Variants in DGLUCY observed in about 807,000 individuals in gnomAD.
The protein encoded by DGLUCY is D-glutamate cyclase.
In DGLUCY, 58 loss-of-function variants were observed where a neutral mutation model predicts 58.5. The ratio of observed to expected loss-of-function variants is 0.99; its 90% CI spans 0.80 to 1.23. DGLUCY has a LOEUF of 1.23. Among genes scored for constraint, DGLUCY ranks in the 50% most tolerant of loss-of-function variants. The probability of loss-of-function intolerance (pLI) is 0.00; values close to 1 mark genes in which losing one functional copy is unlikely to be tolerated. For missense variants in DGLUCY, 779 were observed against 784.7 expected (o/e 0.99, Z 0.09); for synonymous variants, 325 against 314.1 (o/e 1.03, Z -0.37).
At chr14:91,165,681 G>A (rs1486085645) in intron 3 of DGLUCY, among the ~76,000 whole-genome samples, 2 of 152,180 alleles carry the variant, frequency 1.3e-5, no homozygotes, top group African/African-American at 4.8e-5. Context: ...ACAAGGTGAT[G>A]GATACCACTA....
intron 11 of DGLUCY, among the ~76,000 whole-genome samples, chr14:91,202,058 A>AAATAATAATAATAATAATAATAATAAT (rs10523866): frequency 0.01 from 1,449 of 142,568 alleles, 22 homozygotes; most frequent in East Asian, 0.026. Flanking sequence ...TCTGTCTCAA[A>AAATAATAATAATAATAATAATAATAAT]AATAATAATA....
chr14:91,118,347 G>C (rs1278193714), intron 1 of DGLUCY, among the ~76,000 whole-genome samples: 1 of 151,852 alleles, frequency 6.6e-6, no homozygotes, highest in East Asian at 1.9e-4. Context: ...CACCTGCCTC[G>C]GCCTCCTGAA....
intron 1 of DGLUCY, among the ~76,000 whole-genome samples, chr14:91,092,870 G>A (rs1201864111): frequency 6.6e-6 from 1 of 152,162 alleles, no homozygotes; most frequent in African/African-American, 2.4e-5. Flanking sequence ...GATCACCTGA[G>A]GTCAGGAGTT....
intron 1 of DGLUCY, among the ~76,000 whole-genome samples, chr14:91,070,227 G>A (rs1174341801): frequency 6.6e-6 from 1 of 152,146 alleles, no homozygotes; most frequent in African/African-American, 2.4e-5. Context: ...TGCCCTCCAA[G>A]CCAAAAGAGT....
upstream of DGLUCY, among the ~76,000 whole-genome samples, chr14:91,105,977 T>G (rs2044580939): frequency 6.6e-6 from 1 of 152,104 alleles, no homozygotes; most frequent in Non-Finnish European, 1.5e-5. Flanking sequence ...CCTAAACATA[T>G]CTAAACCTAG....
At chr14:91,076,517 A>G (rs770269034) in intron 1 of DGLUCY, among the ~76,000 whole-genome samples, 6 of 152,082 alleles carry the variant, frequency 3.9e-5, no homozygotes, top group Non-Finnish European at 4.4e-5. Flanking sequence ...TGTAGAAGCC[A>G]TAGATAGGAA....
intron 7 of DGLUCY, among the ~76,000 whole-genome samples, chr14:91,180,411 A>G (rs1595855766): frequency 1.3e-5 from 2 of 151,730 alleles, no homozygotes; most frequent in East Asian, 3.9e-4. Context: ...GTCTCTACTA[A>G]AAATACTAAA....
At chr14:91,180,847 T>G (rs2049132065) in intron 7 of DGLUCY, among the ~76,000 whole-genome samples, 1 of 152,240 alleles carries the variant, frequency 6.6e-6, no homozygotes, top group South Asian at 2.1e-4. Context: ...CAAGATGGCT[T>G]CATGAGTTTT....
intron 4 of DGLUCY, among the ~76,000 whole-genome samples, chr14:91,168,178 A>G (rs1230422713): frequency 6.6e-6 from 1 of 151,842 alleles, no homozygotes; most frequent in Non-Finnish European, 1.5e-5. Context: ...GCTGAGGAGG[A>G]TTGCTTGAGA....
chr14:91,199,508 C>T (rs1169367628), intron 10 of DGLUCY, among the ~76,000 whole-genome samples: 1 of 152,068 alleles, frequency 6.6e-6, no homozygotes, highest in Non-Finnish European at 1.5e-5. Flanking sequence ...CTGCTTCGGC[C>T]TCCCAAACTG....
chr14:91,099,296 G>A (rs910390737), intron 1 of DGLUCY, among the ~76,000 whole-genome samples: 9 of 152,150 alleles, frequency 5.9e-5, no homozygotes, highest in African/African-American at 2.2e-4. Flanking sequence ...ACTTTGGGAG[G>A]CCGAGGCAGG....
At chr14:91,128,180 A>G (rs996357468) in intron 1 of DGLUCY, among the ~76,000 whole-genome samples, 5 of 152,048 alleles carry the variant, frequency 3.3e-5, no homozygotes, top group African/African-American at 1.2e-4. Context: ...AATTGATGTT[A>G]AGAAAGATCC....
At chr14:91,140,393 C>T (rs1051894262) in intron 1 of DGLUCY, among the ~76,000 whole-genome samples, 16 of 152,208 alleles carry the variant, frequency 1.1e-4, no homozygotes, top group South Asian at 2.1e-4. Flanking sequence ...ATTTATGGGT[C>T]GGGTGCGGTG....
chr14:91,206,984 A>G (rs1884808702), intron 12 of DGLUCY, among the ~76,000 whole-genome samples: 1 of 151,920 alleles, frequency 6.6e-6, no homozygotes, highest in Non-Finnish European at 1.5e-5. Context: ...ATGGCAAGAT[A>G]CCATCTCTGT....
chr14:91,116,612 G>A (rs142485340), intron 1 of DGLUCY, among the ~76,000 whole-genome samples: 1 of 152,162 alleles, frequency 6.6e-6, no homozygotes, highest in Non-Finnish European at 1.5e-5. Flanking sequence ...CTGGGGGCAA[G>A]TTCATAGCAA....
chr14:91,105,377 G>C (rs1345816823), upstream of DGLUCY, among the ~76,000 whole-genome samples: 1 of 152,100 alleles, frequency 6.6e-6, no homozygotes, highest in Non-Finnish European at 1.5e-5. Flanking sequence ...TCAAGAACAG[G>C]TGCTGAGGAC....
At position 91,160,321 on chromosome 14, in the gene DGLUCY, C is replaced by A. The variant is rs2047904792; in HGVS notation, c.27C>A (p.Ser9=). The stretch of plus-strand genomic sequence containing the variant: ...TGCCCTTCACACTCCACCTGAGGTC[C>A]CGCCTTCCCTCTGCCATAAGGAGTT... MPFTLHLR[S]RLPSAIRSLI... The change falls in exon 3 of 14, where the codon TCC becomes TCA. Residue 9 remains serine (S), a synonymous_variant. Transcript: ENST00000256324. 1.2e-6 allele frequency: 2 copies of A among 1,613,220 alleles called. No homozygotes were observed. Among genetic ancestry groups the A allele is most frequent in the South Asian group, 2.2e-5 (2 of 91,078 alleles).
At chr14:91,182,965 T>A (rs1204363953) in intron 8 of DGLUCY, among the ~76,000 whole-genome samples, 1 of 150,202 alleles carries the variant, frequency 6.7e-6, no homozygotes, top group Non-Finnish European at 1.5e-5. Flanking sequence ...ATTTTTATTT[T>A]TTTATTTTAG....
chr14:91,073,230 C>T (rs1177514923), intron 1 of DGLUCY, among the ~76,000 whole-genome samples: 4 of 152,070 alleles, frequency 2.6e-5, no homozygotes, highest in Admixed American at 2.6e-4. Flanking sequence ...TGCCTGAGCT[C>T]AGGAGTTCGA....
Sources: allele counts gnomAD v4.1 joint callset (sites outside exome capture counted in the v4.1 genomes callset), GRCh38; gene constraint gnomAD v4.1.1; transcripts MANE v1.5; gene names NCBI Gene and HGNC (gene_info 2026-07-23, HGNC 2026-07-21).